The following RARB variants were observed in gnomAD, a reference collection of about 807,000 sequenced individuals.
RARB encodes the protein HBV-activated protein.
A neutral mutation model predicts 51.9 loss-of-function variants in RARB; 17 were observed. The observed-to-expected ratio is 0.33, with a 90% confidence interval of 0.22 to 0.49. RARB has a LOEUF of 0.49. Among genes scored for constraint, RARB ranks in the 20% least tolerant of loss-of-function variants. The pLI, the probability that RARB is intolerant of heterozygous loss-of-function variation, is 0.99. For missense variants in RARB, 369 were observed against 550.8 expected (o/e 0.67, Z 3.30); for synonymous variants, 215 against 195.4 (o/e 1.10, Z -0.84).
intron 5 of RARB, among the ~76,000 whole-genome samples, chr3:25,397,374 C>T (rs556364551): frequency 6.6e-6 from 1 of 152,268 alleles, no homozygotes; most frequent in African/African-American, 2.4e-5. Context: ...TTTGGGCACT[C>T]AGAGTTTTTC....
At position 25,450,615 on chromosome 3, in the gene RARB, T is replaced by G. The variant is rs575558015; in HGVS notation, c.158-10578T>G. On this transcript the variant is annotated intron_variant, in intron 1 of 7. Coordinates refer to ENST00000330688, the MANE Select transcript of RARB (RefSeq NM_000965.5). ...TTTTCAACCTCAGCACTATCTATAA[T>G]TGGGGCCAGATAATTCTTTGTTGTG... Among the ~76,000 whole-genome samples, 16 of 152,296 alleles carry G rather than the reference T, an allele frequency of 1.1e-4. No homozygotes were observed. The South Asian group carries it at 3.1e-3, about 30-fold the overall frequency.
At chr3:24,864,948 A>G (rs1381895533) in intron 2 of RARB, among the ~76,000 whole-genome samples, 2 of 152,174 alleles carry the variant, frequency 1.3e-5, no homozygotes, top group Admixed American at 1.3e-4. Context: ...TGTACTTTGA[A>G]AAGACTCTTG....
At chr3:25,126,279 TAACC>T (rs1199141293) in intron 3 of RARB, among the ~76,000 whole-genome samples, 3 of 152,194 alleles carry the variant, frequency 2.0e-5, no homozygotes, top group Non-Finnish European at 4.4e-5. Flanking sequence ...TGAAGCCTGG[TAACC>T]AGATTTGTGC....
chr3:24,918,096 G>T (rs2125384697), intron 2 of RARB, among the ~76,000 whole-genome samples: 1 of 152,306 alleles, frequency 6.6e-6, no homozygotes, highest in East Asian at 1.9e-4. Flanking sequence ...AGGCCTCAAT[G>T]TGAATGTTCA....
intron 3 of RARB, among the ~76,000 whole-genome samples, chr3:25,064,595 C>T (rs1364169791): frequency 6.6e-6 from 1 of 152,028 alleles, no homozygotes; most frequent in Non-Finnish European, 1.5e-5. Flanking sequence ...GTCAACTTCA[C>T]CCAGTGCTAT....
intron 3 of RARB, among the ~76,000 whole-genome samples, chr3:25,546,240 G>A (rs1005581761): frequency 2.0e-5 from 3 of 152,326 alleles, no homozygotes; most frequent in African/African-American, 7.2e-5. Flanking sequence ...TTGTAAGGCT[G>A]TGTGCGAATT....
intron 2 of RARB, among the ~76,000 whole-genome samples, chr3:24,992,025 CCTT>C (rs1254945379): frequency 6.6e-6 from 1 of 152,122 alleles, no homozygotes; most frequent in Admixed American, 6.5e-5. Flanking sequence ...GTTTGGCTCT[CCTT>C]ATACCAGGGC....
At chr3:25,420,989 GC>G (rs57222861) in intron 5 of RARB, among the ~76,000 whole-genome samples, 22,043 of 100,522 alleles carry the variant, frequency 0.22, 2,434 homozygotes, top group East Asian at 0.37. Flanking sequence ...CACCACTTAT[GC>G]CAAAAAAAAA....
chr3:25,499,793 GA>G (rs1199039192), intron 2 of RARB, among the ~76,000 whole-genome samples: 1 of 151,954 alleles, frequency 6.6e-6, no homozygotes, highest in African/African-American at 2.4e-5. Context: ...AGGAGGGAAG[GA>G]AAAGAGAATA....
At chr3:25,091,024 A>G (rs1026747523) in intron 3 of RARB, among the ~76,000 whole-genome samples, 3 of 152,174 alleles carry the variant, frequency 2.0e-5, no homozygotes, top group Non-Finnish European at 4.4e-5. Flanking sequence ...TTTGCGTGCA[A>G]TTATTTAATT....
chr3:25,232,515 A>G (rs1175262118), intron 5 of RARB, among the ~76,000 whole-genome samples: 1 of 152,124 alleles, frequency 6.6e-6, no homozygotes, highest in Non-Finnish European at 1.5e-5. Context: ...AAGAAAACTT[A>G]TGATTTATTT....
chr3:25,380,674 G>A (rs1706598772), intron 5 of RARB, among the ~76,000 whole-genome samples: 1 of 152,146 alleles, frequency 6.6e-6, no homozygotes, highest in Admixed American at 6.5e-5. Context: ...TTAAAAGATT[G>A]CGAAATATTC....
intron 2 of RARB, among the ~76,000 whole-genome samples, chr3:25,041,287 A>G (rs1575132010): frequency 6.6e-6 from 1 of 152,106 alleles, no homozygotes; most frequent in Admixed American, 6.6e-5. Flanking sequence ...CTAAAGTTCT[A>G]TATTTGATGA....
chr3:25,495,926 A>G (rs1697004393), intron 2 of RARB, among the ~76,000 whole-genome samples: 1 of 152,216 alleles, frequency 6.6e-6, no homozygotes, highest in African/African-American at 2.4e-5. Context: ...AGCAGAAGCT[A>G]TGATGTATAA....
At chr3:24,838,262 T>C (rs920100002) in intron 1 of RARB, among the ~76,000 whole-genome samples, 1 of 152,204 alleles carries the variant, frequency 6.6e-6, no homozygotes, top group Admixed American at 6.5e-5. Context: ...TCTCAGCTTT[T>C]TGAAGGCTTG....
chr3:25,198,159 A>G (rs1385800045), intron 5 of RARB, among the ~76,000 whole-genome samples: 2 of 152,086 alleles, frequency 1.3e-5, no homozygotes, highest in Non-Finnish European at 1.5e-5. Context: ...AGCTGCCAAC[A>G]ACATACATTT....
intron 3 of RARB, among the ~76,000 whole-genome samples, chr3:25,109,716 G>A (rs961840367): frequency 2.0e-4 from 31 of 152,136 alleles, no homozygotes; most frequent in African/African-American, 7.0e-4. Flanking sequence ...CAAAAAGCAG[G>A]TTTGCTTCCC....
At chr3:25,025,412 T>G (rs1338783385) in intron 2 of RARB, among the ~76,000 whole-genome samples, 1 of 152,194 alleles carries the variant, frequency 6.6e-6, no homozygotes, top group Non-Finnish European at 1.5e-5. Flanking sequence ...TATAGACTTG[T>G]GCCAAGCCCT....
intron 5 of RARB, among the ~76,000 whole-genome samples, chr3:25,409,576 C>T (rs1329067462): frequency 6.6e-6 from 1 of 152,020 alleles, no homozygotes; most frequent in Non-Finnish European, 1.5e-5. Context: ...TTAATATAGG[C>T]CAATAATACA....
Sources: gnomAD v4.1 joint callset for allele counts (sites outside exome capture counted in the v4.1 genomes callset) on GRCh38, gnomAD v4.1.1 for gene constraint, MANE v1.5 for transcripts, NCBI Gene and HGNC (gene_info 2026-07-23, HGNC 2026-07-21) for gene names.